The following TAOK1 variants were observed in gnomAD, a reference collection of about 807,000 sequenced individuals.
TAOK1 encodes the protein TAO kinase 1.
TAOK1 carries 21 observed loss-of-function variants against 138.3 expected under a neutral mutation model. The ratio of observed to expected loss-of-function variants is 0.15; its 90% CI spans 0.11 to 0.22. TAOK1 has a LOEUF of 0.22. TAOK1 is among the 10% of genes least tolerant of loss of function. TAOK1 has a pLI of 1.00. For synonymous variants in TAOK1, 361 were observed against 398.4 expected (o/e 0.91, Z 1.12); for missense variants, 651 against 1,227.7 (o/e 0.53, Z 7.02).
intron 17 of TAOK1, 100 bp downstream of exon 17, chr17:29,522,619 G>T: frequency 6.7e-7 from 1 of 1,482,642 alleles, no homozygotes. Context: ...TAAAGAAATT[G>T]ACTAAGCTTC....
chr17:29,424,436 CAAAAAAAA>C (rs781589064), intron 1 of TAOK1, among the ~76,000 whole-genome samples: 4 of 72,006 alleles, frequency 5.6e-5, no homozygotes, highest in Non-Finnish European at 8.0e-5. Flanking sequence ...GACTCCCTCT[CAAAAAAAA>C]AAAAAAAAAA....
At chr17:29,477,296 G>A (rs1300710702) in intron 4 of TAOK1, among the ~76,000 whole-genome samples, 1 of 151,924 alleles carries the variant, frequency 6.6e-6, no homozygotes, top group Non-Finnish European at 1.5e-5. Flanking sequence ...CTATAGGTTT[G>A]TAGTAATGGA....
At chr17:29,534,499 AAT>A (rs2032188903) in intron 19 of TAOK1, among the ~76,000 whole-genome samples, 199 bp downstream of exon 19, 1 of 152,212 alleles carries the variant, frequency 6.6e-6, no homozygotes, top group African/African-American at 2.4e-5. Flanking sequence ...GAGCTCCAGA[AAT>A]CAAGGGAATA....
chr17:29,480,139 A>G lies in TAOK1; in HGVS notation c.450-229A>G, dbSNP rs776897242. On this transcript the variant is annotated intron_variant, in intron 6 of 19. Transcript: ENST00000261716. ...AATGAACTAATTTTTTTTTACTGCT[A>G]TTTGTCTTCTCTTTTAGAAAATTAT... 1.6e-4 allele frequency: 46 copies of G among 295,154 alleles called. 1 individual carries two copies. Among genetic ancestry groups the G allele is most frequent in the Middle Eastern group, 9.7e-4 (1 of 1,026 alleles). The allele number at this position is 295,154 out of a possible 1,614,324, so 18.3% of individuals were successfully genotyped here. A position where few individuals can be genotyped will look rare whatever the true frequency, so the allele number is the denominator to read the frequency against.
intron 1 of TAOK1, among the ~76,000 whole-genome samples, chr17:29,404,529 C>T (rs891748406): frequency 2.6e-5 from 4 of 152,042 alleles, no homozygotes; most frequent in South Asian, 2.1e-4. Flanking sequence ...TGATATCTTC[C>T]GCCTGTAATC....
chr17:29,426,911 G>A (rs1718837608), intron 1 of TAOK1, among the ~76,000 whole-genome samples: 3 of 152,110 alleles, frequency 2.0e-5, no homozygotes. Flanking sequence ...TAGATTATAT[G>A]CTAGAGCTAA....
At chr17:29,530,358 A>G in intron 17 of TAOK1, 49 bp from the exon 18 acceptor site, 1 of 1,533,872 alleles carries the variant, frequency 6.5e-7, no homozygotes, top group Non-Finnish European at 9.0e-7. Flanking sequence ...ACCATATACC[A>G]AATGCCTTTC....
intron 17 of TAOK1, among the ~76,000 whole-genome samples, chr17:29,526,131 C>T (rs1028681497): frequency 6.6e-5 from 10 of 152,184 alleles, no homozygotes; most frequent in Admixed American, 3.9e-4. Flanking sequence ...CAAAATTAGC[C>T]GGGTGTGGTG....
intron 2 of TAOK1, among the ~76,000 whole-genome samples, chr17:29,459,293 C>T (rs984816963): frequency 6.6e-6 from 1 of 151,926 alleles, no homozygotes; most frequent in Non-Finnish European, 1.5e-5. Flanking sequence ...GTTATGCCTG[C>T]ATTTGTTGCT....
chr17:29,467,482 C>T (rs1036937634), intron 3 of TAOK1, among the ~76,000 whole-genome samples: 2 of 152,134 alleles, frequency 1.3e-5, no homozygotes, highest in African/African-American at 4.8e-5. Context: ...CCGTGTTAGC[C>T]AGGATGGTCT....
At chr17:29,534,083 T>C (rs1196812050) in intron 18 of TAOK1, 35 bp from the exon 19 acceptor site, 1 of 1,559,236 alleles carries the variant, frequency 6.4e-7, no homozygotes, top group Admixed American at 2.0e-5. Flanking sequence ...CATTAGGATA[T>C]ATCTTTTTTT....
intron 13 of TAOK1, among the ~76,000 whole-genome samples, chr17:29,506,325 T>G (rs2031629586): frequency 6.6e-6 from 1 of 152,192 alleles, no homozygotes; most frequent in Non-Finnish European, 1.5e-5. Context: ...CATGAATGAA[T>G]CTGGAGGATT....
At chr17:29,508,774 C>T (rs2031668677) in intron 14 of TAOK1, among the ~76,000 whole-genome samples, 2 of 152,104 alleles carry the variant, frequency 1.3e-5, no homozygotes, top group Admixed American at 1.3e-4. Context: ...TCAGATTGAG[C>T]TCATTTGATT....
intron 13 of TAOK1, among the ~76,000 whole-genome samples, chr17:29,507,328 T>C (rs906045507): frequency 1.3e-5 from 2 of 151,902 alleles, no homozygotes; most frequent in African/African-American, 4.8e-5. Flanking sequence ...AAGTATTTGC[T>C]TACTCCAAGG....
At chr17:29,427,487 T>C (rs1406631023) in intron 1 of TAOK1, among the ~76,000 whole-genome samples, 1 of 150,138 alleles carries the variant, frequency 6.7e-6, no homozygotes, top group Non-Finnish European at 1.5e-5. Context: ...TCCCAGCTAC[T>C]TGGGAGGCTG....
chr17:29,404,189 AC>A (rs1904928219), intron 1 of TAOK1: 2 of 152,000 alleles, frequency 1.3e-5, no homozygotes, highest in Admixed American at 6.6e-5. Flanking sequence ...TCTTTTAAGA[AC>A]CTGTTGTAGG....
chr17:29,495,055 TAAA>T (rs2031386497), intron 10 of TAOK1, among the ~76,000 whole-genome samples: 1 of 152,148 alleles, frequency 6.6e-6, no homozygotes, highest in Non-Finnish European at 1.5e-5. Flanking sequence ...ATGCTAGTAA[TAAA>T]AAAGTAATAA....
intron 15 of TAOK1, chr17:29,512,794 T>G (rs2031746629): frequency 6.6e-6 from 1 of 152,156 alleles, no homozygotes; most frequent in Non-Finnish European, 1.5e-5. Context: ...ACCATTCTCC[T>G]GCCTCCGGCT....
chr17:29,402,901 G>A (rs1427624779), intron 1 of TAOK1, among the ~76,000 whole-genome samples: 2 of 151,388 alleles, frequency 1.3e-5, no homozygotes, highest in African/African-American at 4.9e-5. Flanking sequence ...TAGGCCCGGC[G>A]CAGTGGCTTA....
Sources: allele counts gnomAD v4.1 joint callset (sites outside exome capture counted in the v4.1 genomes callset), GRCh38; gene constraint gnomAD v4.1.1; transcripts MANE v1.5; gene names NCBI Gene and HGNC (gene_info 2026-07-23, HGNC 2026-07-21).